Variants in ALK observed in about 807,000 individuals in gnomAD.
ALK encodes the protein ALK tyrosine kinase receptor.
In ALK, 74 loss-of-function variants were observed where a neutral mutation model predicts 163.1. The ratio of observed to expected loss-of-function variants is 0.45; its 90% CI spans 0.38 to 0.55. ALK has a LOEUF of 0.55. ALK is among the 20% of genes least tolerant of loss of function. The pLI is 0.00. For missense variants in ALK, 2,063 were observed against 2,105.3 expected, an observed-to-expected ratio of 0.98 and a Z score of 0.39; for synonymous variants, 960 against 843.2, an observed-to-expected ratio of 1.14 and a Z score of -2.40.
intron 4 of ALK, among the ~76,000 whole-genome samples, chr2:29,508,733 C>CAAAA (rs60719550): frequency 1.2e-3 from 76 of 65,490 alleles, no homozygotes; most frequent in African/African-American, 2.7e-3. Context: ...ATCTGCAACT[C>CAAAA]AAAAAAAAAA....
At chr2:29,512,120 A>G (rs1238904736) in intron 4 of ALK, among the ~76,000 whole-genome samples, 3 of 152,216 alleles carry the variant, frequency 2.0e-5, no homozygotes, top group African/African-American at 7.2e-5. Flanking sequence ...GCTATCTAAA[A>G]AAGTTTTTTC....
At chr2:29,819,210 T>A (rs1317625297) in intron 1 of ALK, among the ~76,000 whole-genome samples, 1 of 152,250 alleles carries the variant, frequency 6.6e-6, no homozygotes. Context: ...GGGAGATTCA[T>A]GTTCACATTA....
chr2:29,272,999 T>A (rs775173796), intron 11 of ALK, among the ~76,000 whole-genome samples: 2 of 152,216 alleles, frequency 1.3e-5, no homozygotes, highest in Non-Finnish European at 2.9e-5. Flanking sequence ...GACAAGCTGT[T>A]GTGTGAAATA....
intron 3 of ALK, among the ~76,000 whole-genome samples, chr2:29,533,187 C>T (rs544677004): frequency 6.2e-4 from 94 of 152,288 alleles, no homozygotes; most frequent in African/African-American, 2.1e-3. Flanking sequence ...GGATCGAGAA[C>T]GTGAACCCTC....
intron 5 of ALK, among the ~76,000 whole-genome samples, chr2:29,348,577 CG>C (rs1343098515): frequency 2.4e-4 from 37 of 152,100 alleles, no homozygotes; most frequent in African/African-American, 8.9e-4. Flanking sequence ...AGTAGCAGGA[CG>C]AGGGCAGGAC....
intron 3 of ALK, among the ~76,000 whole-genome samples, chr2:29,596,599 A>T (rs115052756): frequency 3.4e-3 from 515 of 152,272 alleles, no homozygotes; most frequent in African/African-American, 0.012. Context: ...GAAGCTAGAG[A>T]GGTGAGCAGG....
chr2:29,255,187 T>G, intron 11 of ALK, among the ~76,000 whole-genome samples: 1 of 151,994 alleles, frequency 6.6e-6, no homozygotes, highest in East Asian at 1.9e-4. Context: ...CCTCTGGGGG[T>G]GTGGAGTTTC....
At chr2:29,399,625 G>T (rs1337439649) in intron 4 of ALK, among the ~76,000 whole-genome samples, 1 of 152,200 alleles carries the variant, frequency 6.6e-6, no homozygotes, top group African/African-American at 2.4e-5. Context: ...CTGCAAGTGG[G>T]AAGTGCCTCA....
intron 4 of ALK, among the ~76,000 whole-genome samples, chr2:29,388,801 T>G (rs1669092352): frequency 6.6e-6 from 1 of 152,220 alleles, no homozygotes; most frequent in Non-Finnish European, 1.5e-5. Flanking sequence ...AGAAAGGTAT[T>G]GCAATTTATG....
chr2:29,467,370 T>G (rs1003977995), intron 4 of ALK, among the ~76,000 whole-genome samples: 1 of 152,200 alleles, frequency 6.6e-6, no homozygotes, highest in Non-Finnish European at 1.5e-5. Context: ...GTTGCTGGCC[T>G]TGGGAATATG....
chr2:29,645,515 A>G (rs1676846807), intron 3 of ALK, among the ~76,000 whole-genome samples: 1 of 152,160 alleles, frequency 6.6e-6, no homozygotes, highest in Non-Finnish European at 1.5e-5. Flanking sequence ...TAGAATCATC[A>G]TAAAATCTTA....
intron 3 of ALK, among the ~76,000 whole-genome samples, chr2:29,549,007 CAG>C (rs1239928317): frequency 6.6e-6 from 1 of 151,826 alleles, no homozygotes; most frequent in African/African-American, 2.4e-5. Flanking sequence ...GGGTCATGAC[CAG>C]CACTAAACAG....
At chr2:29,774,606 G>T (rs1006533848) in intron 1 of ALK, among the ~76,000 whole-genome samples, 7 of 152,140 alleles carry the variant, frequency 4.6e-5, no homozygotes, top group African/African-American at 1.7e-4. Flanking sequence ...TCCAACCTGG[G>T]ACTCACTCAG....
At chr2:29,574,229 T>C (rs1411366212) in intron 3 of ALK, among the ~76,000 whole-genome samples, 1 of 152,164 alleles carries the variant, frequency 6.6e-6, no homozygotes, top group East Asian at 1.9e-4. Flanking sequence ...AAAGATTTGC[T>C]CTTACCACTG....
chr2:29,544,321 T>C (rs939903420), intron 3 of ALK, among the ~76,000 whole-genome samples: 10 of 152,016 alleles, frequency 6.6e-5, no homozygotes, highest in African/African-American at 2.4e-4. Context: ...GGCGAATGAG[T>C]CTGGGGACTC....
chr2:29,864,916 T>C (rs1190227092), intron 1 of ALK, among the ~76,000 whole-genome samples: 1 of 152,162 alleles, frequency 6.6e-6, no homozygotes, highest in Non-Finnish European at 1.5e-5. Flanking sequence ...GACAAACGCC[T>C]CCCACCCTCT....
intron 3 of ALK, among the ~76,000 whole-genome samples, chr2:29,549,624 G>C (rs1273313966): frequency 2.0e-5 from 3 of 151,984 alleles, no homozygotes; most frequent in Admixed American, 6.6e-5. Context: ...AATATGTTTG[G>C]AACAACTTGG....
At chr2:29,424,870 T>C (rs1670097623) in intron 4 of ALK, among the ~76,000 whole-genome samples, 1 of 152,188 alleles carries the variant, frequency 6.6e-6, no homozygotes, top group African/African-American at 2.4e-5. Context: ...GGAATGGTGA[T>C]AATAATTAAC....
At chr2:29,783,372 A>G (rs990516490) in intron 1 of ALK, among the ~76,000 whole-genome samples, 1 of 152,240 alleles carries the variant, frequency 6.6e-6, no homozygotes, top group African/African-American at 2.4e-5. Flanking sequence ...CTGTAGGACC[A>G]AGAAAAGAGA....
Sources: allele counts gnomAD v4.1 joint callset (sites outside exome capture counted in the v4.1 genomes callset), GRCh38; gene constraint gnomAD v4.1.1; transcripts MANE v1.5; gene names NCBI Gene and HGNC (gene_info 2026-07-23, HGNC 2026-07-21).